The following MADD variants were observed in gnomAD, a reference collection of about 807,000 sequenced individuals.
MADD encodes the protein MAP kinase-activating death domain protein.
MADD carries 109 observed loss-of-function variants against 176.7 expected under a neutral mutation model. The observed-to-expected ratio is 0.62, with a 90% CI of 0.53 to 0.72. MADD has a LOEUF of 0.72. MADD is among the 30% of genes least tolerant of loss of function. The pLI is 0.00. For missense variants in MADD, 1,914 were observed against 2,045.5 expected (o/e 0.94, Z 1.24); for synonymous variants, 771 against 771.3 (o/e 1.00, Z 0.01).
intron 22 of MADD, among the ~76,000 whole-genome samples, chr11:47,300,699 C>T (rs574592492): frequency 1.1e-4 from 16 of 152,012 alleles, no homozygotes; most frequent in South Asian, 1.0e-3. Flanking sequence ...AGTTTCACCA[C>T]GTTGGCCAGG....
At chr11:47,326,410 A>C in intron 30 of MADD, 134 bp from the exon 34 acceptor site, 1 of 445,608 alleles carries the variant, frequency 2.2e-6, no homozygotes, top group Non-Finnish European at 3.2e-6. Flanking sequence ...CCCCTGGGGC[A>C]CTGTGTCTTA....
chr11:47,285,624 G>T (rs1331765767), intron 14 of MADD, 34 bp downstream of exon 14: 1 of 1,612,954 alleles, frequency 6.2e-7, no homozygotes, highest in South Asian at 1.1e-5. Context: ...TCACTCCTGT[G>T]TTCCATTTTC....
intron 7 of MADD, 107 bp from the exon 8 acceptor site, chr11:47,281,467 CA>C: frequency 3.7e-6 from 3 of 820,480 alleles, no homozygotes; most frequent in Non-Finnish European, 5.4e-6. Flanking sequence ...ACTTTTTGAC[CA>C]GAGAATACGA....
At chr11:47,285,623 T>C (rs1565349421) in intron 14 of MADD, 33 bp downstream of exon 14, 2 of 1,613,058 alleles carry the variant, frequency 1.2e-6, no homozygotes, top group Non-Finnish European at 1.7e-6. Context: ...CTCACTCCTG[T>C]GTTCCATTTT....
chr11:47,269,669 C>T (rs1958360432), upstream of MADD: 3 of 151,952 alleles, frequency 2.0e-5, no homozygotes, highest in South Asian at 6.2e-4. Context: ...GCGCCCCCCT[C>T]TGCCCCCGCT....
rs529488790 is a variant in MADD at position 47,299,122 on chromosome 11, T to C, written c.3642+3067T>C. Among the ~76,000 whole-genome samples the C allele has an allele frequency of 1.4e-4, 21 of 152,302 alleles. No homozygotes were observed. In the South Asian group the frequency reaches 4.1e-3, roughly 30 times the overall value. On this transcript the variant is annotated intron_variant, in intron 22 of 32. Coordinates refer to ENST00000402192, the Ensembl canonical transcript of MADD. ...TTTTGAAGTCTAGTAGTGTGATTCCTTTTTGTCCAGGATTGTTTTGGCTAT... is the reference window on the plus strand; with the variant it reads ...TTTTGAAGTCTAGTAGTGTGATTCCCTTTTGTCCAGGATTGTTTTGGCTAT...
chr11:47,282,777 G>T, intron 9 of MADD, 36 bp from the exon 10 acceptor site: 2 of 1,599,392 alleles, frequency 1.3e-6, no homozygotes, highest in Non-Finnish European at 1.7e-6. Context: ...TTTTTTCCTT[G>T]CTGCTGACTT....
upstream of MADD, chr11:47,270,132 CA>C (rs1395551144): frequency 6.6e-6 from 1 of 152,148 alleles, no homozygotes; most frequent in Non-Finnish European, 1.5e-5. Flanking sequence ...GCGTGCCCCC[CA>C]GTGCAGACGC....
At chr11:47,278,714 T>C (rs1044020877) in intron 6 of MADD, among the ~76,000 whole-genome samples, 8 of 152,110 alleles carry the variant, frequency 5.3e-5, no homozygotes, top group Admixed American at 2.0e-4. Context: ...TGTGTGCTCA[T>C]TGTAAAACTT....
At position 47,325,904 on chromosome 11, in the gene MADD, G is replaced by T. The variant is rs974178093; in HGVS notation, c.4543-834G>T. Among the ~76,000 whole-genome samples, 3 of 152,204 alleles carry T rather than the reference G, an allele frequency of 2.0e-5. No individual in the cohort carries two copies. Among genetic ancestry groups the T allele is most frequent in the African/African-American group, 7.2e-5 (3 of 41,450 alleles). On this transcript the variant is annotated intron_variant, in intron 30 of 32. Transcript: ENST00000402192. The surrounding 1 kb of genome is among the most constrained non-coding windows in gnomAD (Gnocchi z 4.5). ...ACTGCAGAGAAGGGGAGGAAAGCCC[G>T]GGTTCTCAATCTCACCTCACAGTTA...
At chr11:47,276,410 A>G (rs1709132388) in intron 4 of MADD, among the ~76,000 whole-genome samples, 1 of 152,222 alleles carries the variant, frequency 6.6e-6, no homozygotes, top group Non-Finnish European at 1.5e-5. Context: ...TAGAGGGTTT[A>G]CCATTCATTA....
chr11:47,293,889 A>C, exon 20 of MADD: 1 of 1,612,182 alleles, frequency 6.2e-7, no homozygotes, highest in South Asian at 1.1e-5. Context: ...TCAGGGCCTG[A>C]AGTAATCAAA....
At chr11:47,290,017 A>T (rs769484233) in exon 17 of MADD, 3 of 1,614,214 alleles carry the variant, frequency 1.9e-6, no homozygotes, top group Non-Finnish European at 1.7e-6. Context: ...TGGTGCAGTC[A>T]GAGGACGATG....
At chr11:47,312,114 A>G (rs1345995956) in intron 26 of MADD, among the ~76,000 whole-genome samples, 1 of 152,194 alleles carries the variant, frequency 6.6e-6, no homozygotes, top group East Asian at 1.9e-4. Context: ...ACGGGGTTAC[A>G]TTTGCACTGA....
intron 11 of MADD, 22 bp downstream of exon 11, chr11:47,284,303 G>A (rs759802862): frequency 6.2e-7 from 1 of 1,613,190 alleles, no homozygotes. Context: ...TGGGGAGATT[G>A]GCCAGCCCTG....
chr11:47,270,383 G>A (rs1959211215), intron 1 of MADD, 137 bp downstream of exon 1: 1 of 151,622 alleles, frequency 6.6e-6, no homozygotes, highest in African/African-American at 2.4e-5. Context: ...AGGGGCGTGG[G>A]GACGGGGGTC....
At position 47,274,539 on chromosome 11, in the gene MADD, T is replaced by C. The variant is rs778140480; in HGVS notation, c.63-24T>C. On this transcript the variant is annotated intron_variant, in intron 2 of 32. Transcript: ENST00000402192. ...AGCCCATTCCATCCCTTCAGGCTGCTGAATTTGTCTTTATGTTCTTCAGGC... is the reference window on the plus strand; with the variant it reads ...AGCCCATTCCATCCCTTCAGGCTGCCGAATTTGTCTTTATGTTCTTCAGGC... 3.7e-5 allele frequency: 59 copies of C among 1,578,784 alleles called. No homozygotes were observed. The Admixed American group carries it at 9.9e-4, about 26-fold the overall frequency.
chr11:47,274,810 C>G, exon 3 of MADD: 13 of 1,614,212 alleles, frequency 8.1e-6, no homozygotes, highest in Non-Finnish European at 1.1e-5. Context: ...CTTCCAAAAG[C>G]GAATCTCTAA....
intron 27 of MADD, among the ~76,000 whole-genome samples, chr11:47,319,894 A>T (rs2094070638): frequency 6.7e-6 from 1 of 148,612 alleles, no homozygotes; most frequent in African/African-American, 2.5e-5. Flanking sequence ...TGGGAGGCTG[A>T]GGCAGGAGAA....
Sources: gnomAD v4.1 joint callset for allele counts (sites outside exome capture counted in the v4.1 genomes callset) on GRCh38, gnomAD v4.1.1 for gene constraint, Gnocchi (gnomAD v3.1) non-coding constraint, MANE v1.5 for transcripts, NCBI Gene and HGNC (gene_info 2026-07-23, HGNC 2026-07-21) for gene names.